P2RX5: variants seen among roughly 807,000 people sequenced by gnomAD.
P2RX5 encodes the protein P2X purinoceptor 5.
In P2RX5, 46 loss-of-function variants were observed where a neutral mutation model predicts 54.1. The ratio of observed to expected loss-of-function variants is 0.85; its 90% CI spans 0.67 to 1.09. The LOEUF is 1.09. P2RX5 is among the 50% of genes least tolerant of loss of function. The probability of loss-of-function intolerance (pLI) is 0.00; values close to 1 mark genes in which losing one functional copy is unlikely to be tolerated. For missense variants in P2RX5, 566 were observed against 549.8 expected, an observed-to-expected ratio of 1.03 and a Z score of -0.29; for synonymous variants, 226 against 226.4, an observed-to-expected ratio of 1.00 and a Z score of 0.02.
intron 9 of P2RX5, among the ~76,000 whole-genome samples, chr17:3,684,023 G>A (rs147097241): frequency 1.3e-5 from 2 of 152,350 alleles, no homozygotes; most frequent in Non-Finnish European, 2.9e-5. Flanking sequence ...GGGACCTGCC[G>A]GGATGGGCAC....
chr17:3,719,881 T>C, the P2RX5 span, among the ~76,000 whole-genome samples: 1 of 152,036 alleles, frequency 6.6e-6, no homozygotes, highest in Non-Finnish European at 1.5e-5. Flanking sequence ...GCACCCACCA[T>C]CATGTCCGGC....
chr17:3,691,500 G>A, intron 2 of P2RX5, 144 bp downstream of exon 2: 1 of 954,878 alleles, frequency 1.0e-6, no homozygotes, highest in Non-Finnish European at 1.6e-6. Context: ...GGACAGGGTT[G>A]CTCTCTGCAA....
the P2RX5 span, among the ~76,000 whole-genome samples, chr17:3,703,204 A>G: frequency 6.6e-6 from 1 of 152,116 alleles, no homozygotes; most frequent in Non-Finnish European, 1.5e-5. Context: ...CTCAAATAGA[A>G]AAACTCAACA....
At chr17:3,698,742 C>T (rs571950999), upstream of P2RX5, among the ~76,000 whole-genome samples, 7 of 152,172 alleles carry the variant, frequency 4.6e-5, no homozygotes, top group South Asian at 2.1e-4. Flanking sequence ...CAACTTCTGA[C>T]GGAACTGTCC....
At chr17:3,699,874 A>AAAGAAAGAAAGAAAGAAAGAAAGG (rs1567744280), upstream of P2RX5, among the ~76,000 whole-genome samples, 22 of 42,700 alleles carry the variant, frequency 5.2e-4, no homozygotes, top group Non-Finnish European at 1.0e-3. Flanking sequence ...AGAAAGAAAG[A>AAAGAAAGAAAGAAAGAAAGAAAGG]AAGGAAGGAA....
At chr17:3,676,575 T>C in intron 11 of P2RX5, 1 of 985,426 alleles carries the variant, frequency 1.0e-6, no homozygotes, top group South Asian at 4.7e-5. Flanking sequence ...AGCATGCGTG[T>C]AAGTCTGACC....
At position 3,690,637 on chromosome 17, in the gene P2RX5, C is replaced by T. The variant is rs148251651; in HGVS notation, c.404G>A (p.Cys135Tyr). The part of the protein sequence containing the change: ...PDGACSKDSD[C>Y]HAGEAVTAGN... ...AGCTGTAACCGCTTCCCCAGCGTGG[C>T]AGTCGCTGTCCTTGGAGCACGCGCC... Residue 135 changes from cysteine to tyrosine, a missense_variant, in exon 4 of 12, where the codon TGC (cysteine) becomes TAC (tyrosine). Transcript: ENST00000225328. The T allele has an allele frequency of 2.3e-5, 37 of 1,613,374 alleles. No homozygotes were observed. The African/African-American group carries it at 4.3e-4, about 19-fold the overall frequency.
chr17:3,723,816 G>A, the P2RX5 span: 3 of 1,571,992 alleles, frequency 1.9e-6, no homozygotes, highest in Non-Finnish European at 2.6e-6. Flanking sequence ...TCCCGGCCCC[G>A]GCCCTGGCGA....
At chr17:3,717,754 C>G in the P2RX5 span, 3 of 152,160 alleles carry the variant, frequency 2.0e-5, no homozygotes, top group African/African-American at 7.2e-5. Flanking sequence ...AGTTGACCTT[C>G]CAGTCCTATT....
At chr17:3,694,306 C>T (rs1169578519) in intron 1 of P2RX5, among the ~76,000 whole-genome samples, 1 of 151,120 alleles carries the variant, frequency 6.6e-6, no homozygotes, top group African/African-American at 2.4e-5. Context: ...TCCATAGAGA[C>T]AGATTCTCCT....
At chr17:3,679,061 G>C (rs541819962) in intron 11 of P2RX5, among the ~76,000 whole-genome samples, 1 of 152,164 alleles carries the variant, frequency 6.6e-6, no homozygotes, top group Non-Finnish European at 1.5e-5. Context: ...GAGGGGCTGA[G>C]GGGGGGTCAT....
Position 3,690,726 on chromosome 17 carries a change from C to T in P2RX5, c.361-46G>A, listed in dbSNP as rs1470737493. On this transcript the variant is annotated intron_variant, in intron 3 of 11. Transcript: ENST00000225328. ...CCTGGATGGGGGGGTTCCCCCAGCT[C>T]AGAGCCGGGTCCCACTCCAGGAGAT... The T allele has an allele frequency of 1.9e-6, 3 of 1,578,154 alleles. No individual in the cohort carries two copies. The South Asian group carries it at 3.3e-5, about 17-fold the overall frequency.
the P2RX5 span, among the ~76,000 whole-genome samples, chr17:3,718,819 A>T: frequency 2.6e-5 from 4 of 152,200 alleles, no homozygotes; most frequent in Non-Finnish European, 5.9e-5. Context: ...CATTCTCTGT[A>T]TGGCTTGGAT....
At chr17:3,723,265 T>C in the P2RX5 span, 1 of 1,491,610 alleles carries the variant, frequency 6.7e-7, no homozygotes, top group Non-Finnish European at 9.4e-7. Flanking sequence ...TAATCAAATC[T>C]GGAGCATTTC....
chr17:3,715,632 G>T, the P2RX5 span, among the ~76,000 whole-genome samples: 3 of 152,072 alleles, frequency 2.0e-5, no homozygotes, highest in East Asian at 5.8e-4. Flanking sequence ...ATGAGAAGAT[G>T]GCTCGAGCCC....
intron 9 of P2RX5, among the ~76,000 whole-genome samples, chr17:3,685,267 T>C (rs1458065309): frequency 3.9e-5 from 6 of 152,292 alleles, no homozygotes; most frequent in African/African-American, 1.2e-4. Flanking sequence ...CATGCACAGC[T>C]GCAGAGCTAC....
At chr17:3,701,707 A>AATAAAT in the P2RX5 span, among the ~76,000 whole-genome samples, 11 of 139,922 alleles carry the variant, frequency 7.9e-5, no homozygotes, top group Admixed American at 1.5e-4. Context: ...AAAAAAAAAA[A>AATAAAT]AAAAAAAAAA....
At chr17:3,696,671 C>T (rs1309366690), upstream of P2RX5, among the ~76,000 whole-genome samples, 1 of 152,098 alleles carries the variant, frequency 6.6e-6, no homozygotes, top group Admixed American at 6.5e-5. Context: ...AACTCCTGAC[C>T]TCAGGTGATC....
chr17:3,723,293 C>G, the P2RX5 span: 1 of 1,607,988 alleles, frequency 6.2e-7, no homozygotes. Flanking sequence ...AACACCTCCT[C>G]AGAGTGATCC....
Sources: gnomAD v4.1 joint callset for allele counts (sites outside exome capture counted in the v4.1 genomes callset) on GRCh38, gnomAD v4.1.1 for gene constraint, MANE v1.5 for transcripts, NCBI Gene and HGNC (gene_info 2026-07-23, HGNC 2026-07-21) for gene names.